SERPINC1: variants seen among roughly 807,000 people sequenced by gnomAD.
The protein encoded by SERPINC1 is serpin family C member 1.
A neutral mutation model predicts 43.4 loss-of-function variants in SERPINC1; 12 were observed. The observed-to-expected ratio is 0.28, with a 90% CI of 0.18 to 0.45. SERPINC1 has a LOEUF of 0.45. SERPINC1 is among the 20% of genes least tolerant of loss of function. SERPINC1 has a pLI of 1.00. For synonymous variants in SERPINC1, 210 were observed against 218.9 expected (o/e 0.96, Z 0.36); for missense variants, 423 against 578.8 (o/e 0.73, Z 2.76).
intron 2 of SERPINC1, 130 bp from the exon 3 acceptor site, chr1:173,912,144 G>A: frequency 1.4e-6 from 1 of 727,480 alleles, no homozygotes; most frequent in Non-Finnish European, 2.5e-6. Flanking sequence ...ACAGTACCTG[G>A]GACAGCATAA....
chr1:173,914,934 A>G lies in SERPINC1; in HGVS notation c.42-15T>C, dbSNP rs749037999. ...GATAAACCTTCCTGCAAGGAGACAA[A>G]ATGCCAAGTTAAGCTAGGCTGCAAC... On this transcript the variant is annotated splice_polypyrimidine_tract_variant and intron_variant, in intron 1 of 6. Transcript: ENST00000367698. 8 of 1,610,870 alleles carry G rather than the reference A, an allele frequency of 5.0e-6. No homozygotes were observed. Among genetic ancestry groups the G allele is most frequent in the Admixed American group, 1.7e-5 (1 of 59,964 alleles).
At position 173,917,268 on chromosome 1, in the gene SERPINC1, A is replaced by G. The variant is rs926046378; in HGVS notation, c.-9T>C. On this transcript the variant is annotated 5_prime_UTR_variant, in exon 1 of 7. Transcript: ENST00000367698. ...ATCACATTGGAATACATGGCCGCTA[A>G]TCTTCCACAGGGCTGGGCAAGTGGA... is the stretch of plus-strand genomic sequence containing the variant. The G allele has an allele frequency of 1.9e-6, 3 of 1,613,916 alleles. No individual in the cohort carries two copies. The highest frequency in any genetic ancestry group is 1.3e-5 in the African/African-American group (1 of 75,032).
At chr1:173,913,136 A>G (rs1405459890) in intron 2 of SERPINC1, among the ~76,000 whole-genome samples, 1 of 152,222 alleles carries the variant, frequency 6.6e-6, no homozygotes, top group Non-Finnish European at 1.5e-5. Context: ...CAAGTTTCAA[A>G]TAAGCACCGT....
At chr1:173,913,717 A>T (rs1200491476) in intron 2 of SERPINC1, among the ~76,000 whole-genome samples, 1 of 152,160 alleles carries the variant, frequency 6.6e-6, no homozygotes, top group Non-Finnish European at 1.5e-5. Flanking sequence ...TTAGCCAGGC[A>T]TGGTGCCGGG....
chr1:173,915,287 G>T (rs1324104608), intron 1 of SERPINC1: 6 of 613,576 alleles, frequency 9.8e-6, no homozygotes, highest in East Asian at 6.9e-5. Flanking sequence ...GTGGTAGGGG[G>T]AGCCATCTAC....
chr1:173,904,832 TA>T (rs1381996799), intron 6 of SERPINC1, among the ~76,000 whole-genome samples: 9 of 152,170 alleles, frequency 5.9e-5, no homozygotes, highest in Non-Finnish European at 1.2e-4. Context: ...ATTCCAGCAC[TA>T]AATTATTAGC....
chr1:173,904,355 C>T (rs955353220), intron 6 of SERPINC1, among the ~76,000 whole-genome samples: 2 of 152,134 alleles, frequency 1.3e-5, no homozygotes, highest in African/African-American at 2.4e-5. Context: ...CTGGCTGGTA[C>T]CATTGTAAAT....
chr1:173,907,412 C>G, intron 6 of SERPINC1, 38 bp downstream of exon 6: 1 of 1,523,938 alleles, frequency 6.6e-7, no homozygotes. Flanking sequence ...CATGCATCTC[C>G]TTTCTGTACC....
At chr1:173,905,724 GAAA>G (rs58759841) in intron 6 of SERPINC1, among the ~76,000 whole-genome samples, 1 of 147,814 alleles carries the variant, frequency 6.8e-6, no homozygotes, top group Non-Finnish European at 1.5e-5. Context: ...CCATTTCAAT[GAAA>G]AAAAAAAATC....
In SERPINC1 at chr1:173,914,743, G is replaced by A. The variant is rs121909551; in HGVS notation, c.218C>T (p.Pro73Leu). ...TEDEGSEQKI[P>L]EATNRRVWEL... is the part of the protein sequence containing the mutation. ...CCAGACACGCCGGTTGGTGGCCTCCGGGATCTTCTGTTCTGAGCCCTCATC... is the reference window on the plus strand; with the variant it reads ...CCAGACACGCCGGTTGGTGGCCTCCAGGATCTTCTGTTCTGAGCCCTCATC... The change falls in exon 2 of 7, where the codon CCG becomes CTG. Residue 73 changes from proline (P) to leucine (L), a missense_variant. Pro to Leu is a moderately conservative substitution (Grantham distance 98). Coordinates refer to ENST00000367698, the MANE Select transcript of SERPINC1 (RefSeq NM_000488.4). The A allele has an allele frequency of 9.9e-4, 1,598 of 1,614,192 alleles. 3 individuals carry two copies. The highest frequency in any genetic ancestry group is 1.1e-3 in the Non-Finnish European group (1,281 of 1,180,040).
chr1:173,913,443 T>C (rs902498047), intron 2 of SERPINC1, among the ~76,000 whole-genome samples: 3 of 152,178 alleles, frequency 2.0e-5, no homozygotes, highest in Admixed American at 2.0e-4. Flanking sequence ...CTCACGTCCT[T>C]GAGGCTTCTC....
intron 1 of SERPINC1, among the ~76,000 whole-genome samples, chr1:173,916,337 G>C (rs2102792240): frequency 6.6e-6 from 1 of 152,316 alleles, no homozygotes; most frequent in South Asian, 2.1e-4. Flanking sequence ...ACCCAGTGCA[G>C]ATTCACGGAC....
At chr1:173,908,023 TA>T (rs1031178384) in intron 5 of SERPINC1, among the ~76,000 whole-genome samples, 1 of 141,788 alleles carries the variant, frequency 7.1e-6, no homozygotes, top group Admixed American at 7.1e-5. Flanking sequence ...ATAATAATAA[TA>T]ATAAAAGTAC....
intron 5 of SERPINC1, among the ~76,000 whole-genome samples, chr1:173,908,227 C>A (rs562299003): frequency 3.3e-5 from 5 of 151,706 alleles, no homozygotes; most frequent in African/African-American, 4.8e-5. Flanking sequence ...CAGTGGCTCA[C>A]GCCTGTAATC....
intron 1 of SERPINC1, among the ~76,000 whole-genome samples, chr1:173,916,735 G>A (rs1227707649): frequency 1.3e-5 from 2 of 152,192 alleles, no homozygotes; most frequent in African/African-American, 4.8e-5. Flanking sequence ...GGCATTGAGG[G>A]AGGGACAACT....
In SERPINC1 at chr1:173,909,660, C is replaced by T; in HGVS notation, c.1045G>A (p.Val349Met). 1 of 1,613,710 alleles carries T rather than the reference C, an allele frequency of 6.2e-7. No homozygotes were observed. The highest frequency in any genetic ancestry group is 1.1e-5 in the South Asian group (1 of 91,086). ...ATGCGGAAGCGGGGCATGTGGACCA[C>T]CAGCATCATCTCCTCCAATTCATCC... Reference protein sequence around the residue: ...WLDELEEMMLVVHMPRFRIED... With the variant: ...WLDELEEMMLMVHMPRFRIED... The change falls in exon 5 of 7, where the codon GTG (valine) becomes ATG (methionine). Residue 349 changes from valine (V) to methionine (M), a missense_variant. Val to Met is a conservative substitution (Grantham distance 21). Coordinates refer to ENST00000367698, the MANE Select transcript of SERPINC1 (RefSeq NM_000488.4).
chr1:173,909,777 C>A lies in SERPINC1; in HGVS notation c.928G>T (p.Asp310Tyr). Residue 310 changes from aspartate (D) to tyrosine (Y), a missense_variant, in exon 5 of 7, where the codon GAC becomes TAC. Physicochemically the swap from Asp to Tyr is radical, Grantham distance 160 (BLOSUM62 -3). Transcript: ENST00000367698. ...GGCAAGATGAGGACCATGGTGATGT[C>A]ATCACCTTTGAAGGGCAACTCAAGC... ...QVLELPFKGD[D>Y]ITMVLILPKP... is the part of the protein sequence containing the mutation. The A allele has an allele frequency of 2.5e-6, 4 of 1,614,234 alleles. No individual in the cohort carries two copies. The highest frequency in any genetic ancestry group is 3.4e-6 in the Non-Finnish European group (4 of 1,180,030).
intron 5 of SERPINC1, among the ~76,000 whole-genome samples, chr1:173,907,996 TAA>T (rs1657597425): frequency 3.3e-5 from 3 of 90,346 alleles, no homozygotes; most frequent in Admixed American, 2.1e-4. Flanking sequence ...ATAATAATAA[TAA>T]TAATAATAAT....
intron 2 of SERPINC1, 107 bp downstream of exon 2, chr1:173,914,446 G>A (rs544713963): frequency 3.8e-5 from 46 of 1,217,732 alleles, no homozygotes; most frequent in Middle Eastern, 2.7e-4. Context: ...CATAATGAGC[G>A]CCCCTAGTGG....
Sources: gnomAD v4.1 joint callset for allele counts (sites outside exome capture counted in the v4.1 genomes callset) on GRCh38, gnomAD v4.1.1 for gene constraint, MANE v1.5 for transcripts, NCBI Gene and HGNC (gene_info 2026-07-23, HGNC 2026-07-21) for gene names.